Variants in MBNL3 observed in about 807,000 individuals in gnomAD.
MBNL3 encodes muscleblind-like protein 3.
In MBNL3, 6 loss-of-function variants were observed where a neutral mutation model predicts 24.5. That is an observed-to-expected ratio of 0.25 (90% CI 0.13 to 0.48). The LOEUF is 0.48. MBNL3 is among the 20% of genes least tolerant of loss of function. The probability of loss-of-function intolerance (pLI) is 0.99; values close to 1 mark genes in which losing one functional copy is unlikely to be tolerated. For missense variants in MBNL3, 230 were observed against 293.5 expected (o/e 0.78, Z 1.58); for synonymous variants, 100 against 101.7 (o/e 0.98, Z 0.10).
intron 5 of MBNL3, among the ~76,000 whole-genome samples, chrX:132,388,463 G>T (rs144420551): frequency 1.2e-4 from 13 of 112,248 alleles, no homozygotes; most frequent in African/African-American, 3.6e-4. Flanking sequence ...GTATAAACGG[G>T]GAGTGTCCCC....
intron 3 of MBNL3, among the ~76,000 whole-genome samples, chrX:132,395,005 C>T (rs1410376889): frequency 8.9e-6 from 1 of 111,968 alleles, no homozygotes; most frequent in Non-Finnish European, 1.9e-5. Flanking sequence ...AGTATCCTAG[C>T]TCTTATAACT....
At chrX:132,408,066 C>T (rs937981860) in intron 2 of MBNL3, among the ~76,000 whole-genome samples, 1 of 89,922 alleles carries the variant, frequency 1.1e-5, no homozygotes, top group African/African-American at 4.3e-5. Context: ...CTATCTCTAC[C>T]CCTGACCTCT....
intron 5 of MBNL3, among the ~76,000 whole-genome samples, chrX:132,388,060 T>C (rs1217981732): frequency 1.8e-5 from 2 of 111,545 alleles, no homozygotes. Flanking sequence ...ACAGGAATGC[T>C]TGTGTTGAGT....
intron 2 of MBNL3, among the ~76,000 whole-genome samples, chrX:132,438,506 T>C (rs1282337975): frequency 9.0e-6 from 1 of 110,968 alleles, no homozygotes; most frequent in African/African-American, 3.3e-5. Context: ...GAAAAAGTTC[T>C]TGTTAAGCTT....
At chrX:132,420,032 G>A (rs918082049) in intron 2 of MBNL3, among the ~76,000 whole-genome samples, 12 of 110,891 alleles carry the variant, frequency 1.1e-4, no homozygotes, top group Admixed American at 3.8e-4. Flanking sequence ...GATGGTGGCC[G>A]GCCACTTCCA....
At chrX:132,396,939 T>TATATACATTCAC (rs1166719511) in intron 3 of MBNL3, among the ~76,000 whole-genome samples, 1 of 80,270 alleles carries the variant, frequency 1.2e-5, no homozygotes, top group Non-Finnish European at 2.3e-5. Flanking sequence ...TATACATTCA[T>TATATACATTCAC]ATATATATTC....
In MBNL3 at chrX:132,372,369, G is replaced by A. The variant is rs771884060; in HGVS notation, c.*7297C>T. 9.1e-6 allele frequency: 1 copy of A among 109,429 alleles called. No individual in the cohort carries two copies. Among genetic ancestry groups the A allele is most frequent in the Non-Finnish European group, 1.9e-5 (1 of 52,467 alleles). 9.0% of individuals were successfully genotyped at this position (109,429 alleles called of 1,213,427 possible). A position where few individuals can be genotyped will look rare whatever the true frequency, so the allele number is the denominator to read the frequency against. ...AGTCCTTTAAAAAAGAATATATTTA[G>A]GAAAATCCTTCAAAAGTTTTTTAAT... On this transcript the variant is annotated 3_prime_UTR_variant, in exon 9 of 9. Transcript: ENST00000370853.
At chrX:132,476,106 T>C (rs1473057840) in intron 1 of MBNL3, among the ~76,000 whole-genome samples, 2 of 111,823 alleles carry the variant, frequency 1.8e-5, no homozygotes, top group Non-Finnish European at 3.8e-5. Flanking sequence ...TTAAAAAACC[T>C]GCCATTTCAA....
At chrX:132,484,769 T>G (rs1947912947) in intron 1 of MBNL3, among the ~76,000 whole-genome samples, 1 of 111,617 alleles carries the variant, frequency 9.0e-6, no homozygotes, top group Non-Finnish European at 1.9e-5. Flanking sequence ...AACTCCTGCC[T>G]CAAATCAGAA....
At chrX:132,471,789 T>C (rs1246524705) in intron 1 of MBNL3, among the ~76,000 whole-genome samples, 2 of 111,069 alleles carry the variant, frequency 1.8e-5, no homozygotes, top group East Asian at 2.7e-4. Flanking sequence ...TATTTGTGTG[T>C]GTACATGCTG....
At chrX:132,431,667 G>A (rs771523470) in intron 2 of MBNL3, 1 of 111,602 alleles carries the variant, frequency 9.0e-6, no homozygotes, top group African/African-American at 3.3e-5. Flanking sequence ...AAGTATACTC[G>A]TTGCTGTTGG....
rs368123566 is a variant in MBNL3, at chrX:132,468,027, A to T, written c.-704+20824T>A. Among the ~76,000 whole-genome samples, 6 of 112,152 alleles carry T rather than the reference A, an allele frequency of 5.3e-5. No individual in the cohort carries two copies. In the East Asian group the frequency reaches 1.4e-3, roughly 26 times the overall value. ...CAAGACAGACTGCAAGTCACCACTGAATTGTGGTCCCTAGACAGCATACTG... is the reference window on the plus strand; with the variant it reads ...CAAGACAGACTGCAAGTCACCACTGTATTGTGGTCCCTAGACAGCATACTG... On this transcript the variant is annotated intron_variant, in intron 1 of 8. Coordinates refer to ENST00000370853, the MANE Select transcript of MBNL3 (RefSeq NM_001386889.1).
At chrX:132,450,732 G>A (rs1177406721) in intron 1 of MBNL3, among the ~76,000 whole-genome samples, 1 of 110,254 alleles carries the variant, frequency 9.1e-6, no homozygotes, top group Admixed American at 9.6e-5. Context: ...TGATCCTTTG[G>A]AGGAGAAGAG....
In MBNL3 at chrX:132,439,647, T is replaced by C. The variant is rs769098613; in HGVS notation, c.-36A>G. The C allele has an allele frequency of 2.6e-5, 30 of 1,156,223 alleles. No homozygotes were observed. The South Asian group carries it at 6.1e-4, about 24-fold the overall frequency. Reference sequence around the variant, plus strand: ...AAATTAAAATCCAATGTACCCTCTTTAGGACAATATTACTGTGGACTATTA... The same window carrying C: ...AAATTAAAATCCAATGTACCCTCTTCAGGACAATATTACTGTGGACTATTA... On this transcript the variant is annotated 5_prime_UTR_variant, in exon 2 of 9. Coordinates refer to ENST00000370853, the MANE Select transcript of MBNL3 (RefSeq NM_001386889.1).
chrX:132,457,883 T>TG (rs1569457154), intron 1 of MBNL3, among the ~76,000 whole-genome samples: 1 of 111,645 alleles, frequency 9.0e-6, no homozygotes, highest in Non-Finnish European at 1.9e-5. Flanking sequence ...TATTAGTAAT[T>TG]ACGGAAACAA....
At chrX:132,383,696 A>G (rs1358440458) in intron 7 of MBNL3, among the ~76,000 whole-genome samples, 1 of 111,678 alleles carries the variant, frequency 9.0e-6, no homozygotes, top group Non-Finnish European at 1.9e-5. Flanking sequence ...AGATCTCGCT[A>G]TGTTAGTGAG....
chrX:132,396,275 A>C (rs1938228115), intron 3 of MBNL3, among the ~76,000 whole-genome samples: 1 of 102,505 alleles, frequency 9.8e-6, no homozygotes, highest in African/African-American at 3.5e-5. Flanking sequence ...AATGATTTCA[A>C]AAAATGAAAT....
intron 1 of MBNL3, among the ~76,000 whole-genome samples, chrX:132,449,083 G>A (rs1422951130): frequency 2.7e-5 from 3 of 111,824 alleles, no homozygotes; most frequent in East Asian, 2.8e-4. Context: ...GAATAAGTGC[G>A]ATGTGTTTCT....
rs192853745 is a variant in MBNL3 at position 132,410,373 on chromosome X, A to G, written c.178-3981T>C. ...ATGAGAAAAAGCCCTACCATACATCAGAATAAGAAAAGGAACCTGGGAGGC... is the reference window on the plus strand; with the variant it reads ...ATGAGAAAAAGCCCTACCATACATCGGAATAAGAAAAGGAACCTGGGAGGC... On this transcript the variant is annotated intron_variant, in intron 2 of 8. Transcript: ENST00000370853. Among the ~76,000 whole-genome samples, 3 of 111,777 alleles carry G rather than the reference A, an allele frequency of 2.7e-5. No individual in the cohort carries two copies. The East Asian group carries it at 8.4e-4, about 31-fold the overall frequency.
Sources: gnomAD v4.1 joint callset for allele counts (sites outside exome capture counted in the v4.1 genomes callset) on GRCh38, gnomAD v4.1.1 for gene constraint, MANE v1.5 for transcripts, NCBI Gene and HGNC (gene_info 2026-07-23, HGNC 2026-07-21) for gene names.